The following ETV6 variants were observed in gnomAD, a reference collection of about 807,000 sequenced individuals.
The protein encoded by ETV6 is ETS variant transcription factor 6, also known as transcription factor ETV6.
In ETV6, 16 loss-of-function variants were observed where a neutral mutation model predicts 51.1. That is an observed-to-expected ratio of 0.31 (90% CI 0.21 to 0.48). The LOEUF (loss-of-function observed/expected upper bound fraction) is 0.48. ETV6 is among the 20% of genes least tolerant of loss of function. The probability of loss-of-function intolerance (pLI) is 0.99; values close to 1 mark genes in which losing one functional copy is unlikely to be tolerated. For synonymous variants in ETV6, 240 were observed against 224.1 expected (o/e 1.07, Z -0.64); for missense variants, 458 against 594.8 (o/e 0.77, Z 2.39).
intron 7 of ETV6, among the ~76,000 whole-genome samples, chr12:11,890,427 C>CTT (rs11316604): frequency 9.8e-5 from 14 of 143,446 alleles, no homozygotes; most frequent in South Asian, 4.5e-4. Context: ...ACAGCCTAGA[C>CTT]TTTTTTTTTT....
At chr12:11,819,233 TCTGCCCTGG>T (rs1946040941) in intron 2 of ETV6, among the ~76,000 whole-genome samples, 1 of 152,118 alleles carries the variant, frequency 6.6e-6, no homozygotes, top group African/African-American at 2.4e-5. Context: ...CTGCTGCCCC[TCTGCCCTGG>T]CTGCAGTCCC....
At chr12:11,696,056 A>G (rs1310803383) in intron 1 of ETV6, among the ~76,000 whole-genome samples, 1 of 152,028 alleles carries the variant, frequency 6.6e-6, no homozygotes, top group Non-Finnish European at 1.5e-5. Context: ...TCCTCTAAAT[A>G]AGATTAGCAA....
chr12:11,791,252 C>A (rs1945583754), intron 2 of ETV6, among the ~76,000 whole-genome samples: 1 of 152,078 alleles, frequency 6.6e-6, no homozygotes, highest in African/African-American at 2.4e-5. Context: ...CTTCTGGTGT[C>A]TTTGTCCTTG....
At chr12:11,729,172 G>A (rs1199595567) in intron 1 of ETV6, among the ~76,000 whole-genome samples, 2 of 152,236 alleles carry the variant, frequency 1.3e-5, no homozygotes, top group Admixed American at 1.3e-4. Context: ...ACCGTTTCCT[G>A]CTCAGGCAGG....
intron 4 of ETV6, among the ~76,000 whole-genome samples, chr12:11,855,062 G>A (rs566104863): frequency 2.0e-5 from 3 of 151,612 alleles, no homozygotes; most frequent in South Asian, 2.1e-4. Flanking sequence ...TTGAGAGGCC[G>A]AGGCGGGCGG....
At chr12:11,793,000 A>G (rs1945625003) in intron 2 of ETV6, among the ~76,000 whole-genome samples, 1 of 152,138 alleles carries the variant, frequency 6.6e-6, no homozygotes, top group Admixed American at 6.5e-5. Flanking sequence ...AAACTGAAGA[A>G]TGACGAAATT....
intron 2 of ETV6, among the ~76,000 whole-genome samples, chr12:11,806,840 C>T (rs1945836652): frequency 6.6e-6 from 1 of 152,206 alleles, no homozygotes; most frequent in Non-Finnish European, 1.5e-5. Context: ...CCGGACAGCA[C>T]CAAAAATCCT....
intron 2 of ETV6, chr12:11,768,987 C>A: frequency 2.1e-6 from 1 of 473,192 alleles, no homozygotes; most frequent in South Asian, 1.5e-5. Context: ...GATTGAAGAA[C>A]CCGTAGGCTC....
At chr12:11,764,800 G>A (rs1945140638) in intron 2 of ETV6, among the ~76,000 whole-genome samples, 1 of 152,196 alleles carries the variant, frequency 6.6e-6, no homozygotes, top group South Asian at 2.1e-4. Flanking sequence ...CATTTATTGA[G>A]TGCTTATGGT....
chr12:11,700,978 T>C (rs1462421601), intron 1 of ETV6, among the ~76,000 whole-genome samples: 2 of 152,298 alleles, frequency 1.3e-5, no homozygotes, highest in East Asian at 3.9e-4. Context: ...ACTTCCATTG[T>C]AAGGCCTTGA....
chr12:11,839,050 T>C, intron 2 of ETV6, 90 bp from the exon 3 acceptor site: 1 of 1,356,194 alleles, frequency 7.4e-7, no homozygotes, highest in East Asian at 2.4e-5. Flanking sequence ...CTCATTTTGT[T>C]AACTATTCAG....
intron 1 of ETV6, among the ~76,000 whole-genome samples, chr12:11,662,526 G>C (rs1478528853): frequency 6.6e-6 from 1 of 152,222 alleles, no homozygotes; most frequent in East Asian, 1.9e-4. Context: ...TGATTTAAGG[G>C]AAAGTTGGTC....
chr12:11,760,878 A>ATATGTG (rs1337448290), intron 2 of ETV6, among the ~76,000 whole-genome samples: 3 of 148,524 alleles, frequency 2.0e-5, no homozygotes, highest in East Asian at 2.0e-4. Flanking sequence ...TATTATATAT[A>ATATGTG]TGTGTGTGTG....
intron 7 of ETV6, among the ~76,000 whole-genome samples, chr12:11,888,816 C>T (rs960035296): frequency 6.6e-6 from 1 of 152,162 alleles, no homozygotes; most frequent in Non-Finnish European, 1.5e-5. Context: ...ATCCTCCTGC[C>T]TCAGCCTCCG....
At chr12:11,850,428 C>T (rs1436674537) in intron 3 of ETV6, among the ~76,000 whole-genome samples, 5 of 152,044 alleles carry the variant, frequency 3.3e-5, no homozygotes, top group African/African-American at 1.2e-4. Context: ...GGAAGGGGAA[C>T]GTAAAGCTGG....
intron 2 of ETV6, among the ~76,000 whole-genome samples, chr12:11,816,702 C>T (rs532091101): frequency 3.9e-5 from 6 of 152,262 alleles, no homozygotes; most frequent in African/African-American, 9.6e-5. Context: ...AACGTGCCTG[C>T]AGTCAGCCAT....
chr12:11,829,531 T>C (rs1946211362), intron 2 of ETV6, among the ~76,000 whole-genome samples: 1 of 152,218 alleles, frequency 6.6e-6, no homozygotes, highest in Admixed American at 6.5e-5. Context: ...TTGGGCTTGC[T>C]ACCCAGAAGC....
chr12:11,860,382 A>G (rs973764617), intron 4 of ETV6, among the ~76,000 whole-genome samples: 15 of 152,140 alleles, frequency 9.9e-5, no homozygotes, highest in African/African-American at 3.6e-4. Flanking sequence ...TGCACTCTAC[A>G]TCCCCCGACT....
intron 1 of ETV6, among the ~76,000 whole-genome samples, chr12:11,706,462 G>A (rs890807830): frequency 1.3e-5 from 2 of 152,190 alleles, no homozygotes; most frequent in East Asian, 3.8e-4. Flanking sequence ...AGAGTAGAGA[G>A]CATGATGTGA....
Sources: gnomAD v4.1 joint callset for allele counts (sites outside exome capture counted in the v4.1 genomes callset) on GRCh38, gnomAD v4.1.1 for gene constraint, MANE v1.5 for transcripts, NCBI Gene and HGNC (gene_info 2026-07-23, HGNC 2026-07-21) for gene names.